Variants in CEBPZ observed in about 807,000 individuals in gnomAD.
CEBPZ encodes CCAAT/enhancer-binding protein zeta.
CEBPZ carries 78 observed loss-of-function variants against 104.5 expected under a neutral mutation model. That is an observed-to-expected ratio of 0.75 (90% confidence interval 0.62 to 0.90). The LOEUF is 0.90. CEBPZ is among the 40% of genes least tolerant of loss of function. The probability of loss-of-function intolerance (pLI) is 0.00; values close to 1 mark genes in which losing one functional copy is unlikely to be tolerated. For missense variants in CEBPZ, 1,439 were observed against 1,233.5 expected (o/e 1.17, Z -2.50); for synonymous variants, 470 against 427.0 (o/e 1.10, Z -1.24).
rs1178405906 is a variant in CEBPZ, at chr2:37,216,323, T to C, written c.2304A>G (p.Lys768=). The C allele has an allele frequency of 6.2e-7, 1 of 1,613,400 alleles. No homozygotes were observed. The highest frequency in any genetic ancestry group is 1.7e-5 in the Admixed American group (1 of 59,960). ...RFVYRNPKPH[K]GKENTDSVVM... Reference sequence around the variant, plus strand: ...CACTAAATAGAAGCATACCTTTGCCTTTATGGGGCTTTGGATTTCGGTATA... The same window carrying C: ...CACTAAATAGAAGCATACCTTTGCCCTTATGGGGCTTTGGATTTCGGTATA... Residue 768 remains lysine (K), a synonymous_variant, in exon 7 of 16, where the codon AAA becomes AAG. Coordinates refer to ENST00000234170, the MANE Select transcript of CEBPZ (RefSeq NM_005760.3).
Position 37,231,538 on chromosome 2 carries a change from G to A in CEBPZ, c.30C>T (p.Phe10=), listed in dbSNP as rs753956232. The A allele has an allele frequency of 6.2e-7, 1 of 1,614,202 alleles. No individual in the cohort carries two copies. Among genetic ancestry groups the A allele is most frequent in the African/African-American group, 1.3e-5 (1 of 75,056 alleles). Residue 10 remains phenylalanine, a synonymous_variant, in exon 1 of 16, where the codon TTC becomes TTT. Transcript: ENST00000234170. Reference sequence around the variant, plus strand: ...CGGGGCGCCAAGGCCGCTTGGCATGGAACTCCAAAGGCTCCTTGACTGCGG... The same window carrying A: ...CGGGGCGCCAAGGCCGCTTGGCATGAAACTCCAAAGGCTCCTTGACTGCGG... The part of the protein sequence containing the change: MAAVKEPLE[F]HAKRPWRPEE...
chr2:37,224,098 A>G (rs35448037), intron 2 of CEBPZ, among the ~76,000 whole-genome samples: 3,699 of 152,290 alleles, frequency 0.024, 75 homozygotes, highest in Non-Finnish European at 0.039. Context: ...TAAAGGTCCA[A>G]TGAAATAGGG....
intron 13 of CEBPZ, chr2:37,209,940 AAAC>A (rs751188578): frequency 6.6e-6 from 1 of 152,194 alleles, no homozygotes; most frequent in Non-Finnish European, 1.5e-5. Flanking sequence ...AGCAAGAAAA[AAAC>A]AATCCCATCA....
At chr2:37,220,735 A>C (rs1474876913) in intron 4 of CEBPZ, among the ~76,000 whole-genome samples, 2 of 152,222 alleles carry the variant, frequency 1.3e-5, no homozygotes, top group Non-Finnish European at 2.9e-5. Context: ...TCACACCTGT[A>C]ATCACAGCAC....
chr2:37,227,662 G>A lies in CEBPZ; in HGVS notation c.1531C>T (p.Leu511=), dbSNP rs747766537. 3.7e-6 allele frequency: 6 copies of A among 1,614,166 alleles called. No homozygotes were observed. Among genetic ancestry groups the A allele is most frequent in the Middle Eastern group, 3.3e-4 (2 of 6,062 alleles). ...TTCACAATATGCAACACTTTAAACA[G>A]TGTGTCAATCTGCTCCCTTACTTTG... ...DDKVREQIDT[L]FKVLHIVNFN... Residue 511 remains leucine, a synonymous_variant, in exon 2 of 16, where the codon CTG becomes TTG. Coordinates refer to ENST00000234170, the MANE Select transcript of CEBPZ (RefSeq NM_005760.3).
chr2:37,222,473 T>A lies in CEBPZ; in HGVS notation c.1972A>T (p.Lys658Ter). The A allele has an allele frequency of 6.2e-7, 1 of 1,611,758 alleles. No individual in the cohort carries two copies. The highest frequency in any genetic ancestry group is 1.3e-5 in the African/African-American group (1 of 74,920). ...TDADKETEIV[K>*]KLETEETVPE... Reference sequence around the variant, plus strand: ...ACTGTTTCCTCTGTCTCAAGTTTTTTCACTATCTCTGTTTCTTTGTCTGCA... The same window carrying A: ...ACTGTTTCCTCTGTCTCAAGTTTTTACACTATCTCTGTTTCTTTGTCTGCA... The change falls in exon 4 of 16, where the codon AAA becomes TAA. Residue 658 changes from lysine to a stop codon, truncating the protein, a stop_gained. Transcript: ENST00000234170. LOFTEE classifies it high-confidence loss of function.
In CEBPZ at chr2:37,227,951, G is replaced by A; in HGVS notation, c.1242C>T (p.Pro414=). ...CACCAGACACAACTCCTTTCATATT[G>A]GGATGTTTACAAAGTAATGTCTCTA... The part of the protein sequence containing the change: ...HLLETLLCKH[P]NMKGVVSGEV... The change falls in exon 2 of 16, where the codon CCC becomes CCT. Residue 414 remains proline, a synonymous_variant. Transcript: ENST00000234170. 4 of 1,614,148 alleles carry A rather than the reference G, an allele frequency of 2.5e-6. No individual in the cohort carries two copies. Among genetic ancestry groups the A allele is most frequent in the Admixed American group, 1.7e-5 (1 of 60,012 alleles).
chr2:37,220,563 G>A (rs1664748223), intron 4 of CEBPZ, 90 bp from the exon 5 acceptor site: 2 of 559,212 alleles, frequency 3.6e-6, no homozygotes, highest in East Asian at 6.8e-5. Context: ...ATTCTCAACA[G>A]ATATCTCCAA....
intron 5 of CEBPZ, 85 bp from the exon 6 acceptor site, chr2:37,217,122 G>A (rs1229063861): frequency 7.8e-6 from 9 of 1,156,968 alleles, no homozygotes; most frequent in Non-Finnish European, 1.2e-5. Flanking sequence ...ATCGGGCTGG[G>A]TGTGGTGGCT....
intron 9 of CEBPZ, among the ~76,000 whole-genome samples, chr2:37,214,552 A>G (rs1274857795): frequency 6.6e-6 from 1 of 152,184 alleles, no homozygotes; most frequent in Non-Finnish European, 1.5e-5. Flanking sequence ...AATTCCAAAA[A>G]GAAGCATAAA....
intron 1 of CEBPZ, among the ~76,000 whole-genome samples, chr2:37,230,576 A>G (rs1259139160): frequency 1.3e-5 from 2 of 152,198 alleles, no homozygotes; most frequent in Admixed American, 1.3e-4. Flanking sequence ...AAACAAAATA[A>G]TATTAAAAAC....
chr2:37,227,282 G>T (rs537575147), intron 2 of CEBPZ, among the ~76,000 whole-genome samples: 2 of 152,300 alleles, frequency 1.3e-5, no homozygotes, highest in African/African-American at 4.8e-5. Context: ...CTAGGTGGTA[G>T]ATATGAATGA....
chr2:37,213,706 G>C, intron 10 of CEBPZ, 158 bp downstream of exon 10: 1 of 553,792 alleles, frequency 1.8e-6, no homozygotes, highest in Non-Finnish European at 3.1e-6. Context: ...GAGCCACAGC[G>C]CCTGGCCCCA....
chr2:37,213,652 A>C (rs1251887037), intron 10 of CEBPZ: 1 of 429,422 alleles, frequency 2.3e-6, no homozygotes, highest in African/African-American at 2.1e-5. Flanking sequence ...GACCTCAAAC[A>C]ATCTTCCTGC....
At chr2:37,202,088 C>A (rs984357939) in intron 15 of CEBPZ, 185 bp from the exon 16 acceptor site, 22 of 380,424 alleles carry the variant, frequency 5.8e-5, no homozygotes, top group African/African-American at 3.8e-4. Flanking sequence ...ATAAATGTTT[C>A]AAAAAGAAAT....
In CEBPZ at chr2:37,228,725, T is replaced by G; in HGVS notation, c.468A>C (p.Thr156=). Residue 156 remains threonine, a synonymous_variant, in exon 2 of 16, where the codon ACA becomes ACC. Coordinates refer to ENST00000234170, the MANE Select transcript of CEBPZ (RefSeq NM_005760.3). ...EPHSDENGST[T]PKVKKDKQNI... ...TCTGTTTATCTTTCTTTACTTTCGG[T>G]GTGGTACTGCCATTCTCATCAGAAT... 1.2e-6 allele frequency: 2 copies of G among 1,614,218 alleles called. No homozygotes were observed. Among genetic ancestry groups the G allele is most frequent in the East Asian group, 2.2e-5 (1 of 44,888 alleles).
chr2:37,223,397 T>C lies in CEBPZ; in HGVS notation c.1654A>G (p.Met552Val), dbSNP rs1664813674. The change falls in exon 3 of 16, where the codon ATG becomes GTG. Residue 552 changes from methionine to valine, a missense_variant. Transcript: ENST00000234170. ...DRYYTALYRKMLDPGLMTCSK... is the reference protein window; with the variant it reads ...DRYYTALYRKVLDPGLMTCSK... The stretch of plus-strand genomic sequence containing the variant: ...CACGTCATCAACCCTGGATCCAACA[T>C]CTTCCTGCAAAACAAAACCAAGGTC... The C allele has an allele frequency of 1.2e-6, 2 of 1,613,238 alleles. No homozygotes were observed. The highest frequency in any genetic ancestry group is 2.2e-5 in the East Asian group (1 of 44,880).
At chr2:37,209,201 T>G (rs1677640145) in intron 13 of CEBPZ, 1 of 152,136 alleles carries the variant, frequency 6.6e-6, no homozygotes, top group Non-Finnish European at 1.5e-5. Context: ...ATCGATATTG[T>G]GAAAATGACC....
chr2:37,211,460 G>T, intron 12 of CEBPZ: 1 of 233,938 alleles, frequency 4.3e-6, no homozygotes, highest in Non-Finnish European at 8.2e-6. Flanking sequence ...AGACAATTCT[G>T]GGTGTTCCTT....
Sources: gnomAD v4.1 joint callset for allele counts (sites outside exome capture counted in the v4.1 genomes callset) on GRCh38, gnomAD v4.1.1 for gene constraint, MANE v1.5 for transcripts, NCBI Gene and HGNC (gene_info 2026-07-23, HGNC 2026-07-21) for gene names.